The following MYO3A variants were observed in gnomAD, a reference collection of about 807,000 sequenced individuals.
MYO3A encodes the protein myosin IIIA.
A neutral mutation model predicts 192.7 loss-of-function variants in MYO3A; 180 were observed. The observed-to-expected ratio is 0.93, with a 90% CI of 0.83 to 1.06. The LOEUF is 1.06. MYO3A is among the 50% of genes least tolerant of loss of function. The pLI, the probability that MYO3A is intolerant of heterozygous loss-of-function variation, is 0.00. For synonymous variants in MYO3A, 628 were observed against 645.3 expected (o/e 0.97, Z 0.41); for missense variants, 1,896 against 1,905.0 (o/e 1.00, Z 0.09).
chr10:26,070,060 A>T, intron 12 of MYO3A, 51 bp from the exon 13 acceptor site: 1 of 1,304,970 alleles, frequency 7.7e-7, no homozygotes, highest in Non-Finnish European at 1.1e-6. Context: ...ATAATTCAGG[A>T]CTTAAATAAA....
chr10:26,073,294 G>A (rs1405626883), intron 14 of MYO3A, among the ~76,000 whole-genome samples: 11 of 152,152 alleles, frequency 7.2e-5, no homozygotes, highest in East Asian at 1.9e-4. Flanking sequence ...GGATGAGGCC[G>A]GGAGTGGTGG....
intron 10 of MYO3A, among the ~76,000 whole-genome samples, chr10:26,060,348 A>G (rs1298987783): frequency 3.9e-5 from 6 of 152,216 alleles, no homozygotes; most frequent in South Asian, 2.1e-4. Flanking sequence ...GGTGCCTGTA[A>G]TCCCAGTTAC....
chr10:26,190,766 G>A (rs377508523), intron 31 of MYO3A, among the ~76,000 whole-genome samples: 3 of 152,250 alleles, frequency 2.0e-5, no homozygotes, highest in East Asian at 1.9e-4. Context: ...TTGGTGAAAT[G>A]CACCCTTCAC....
intron 2 of MYO3A, among the ~76,000 whole-genome samples, chr10:25,944,807 T>G (rs1015229213): frequency 6.6e-6 from 1 of 152,074 alleles, no homozygotes; most frequent in Non-Finnish European, 1.5e-5. Context: ...GTAAATCTGC[T>G]TAAAGGTTTT....
chr10:26,048,996 G>A (rs1404053466), intron 10 of MYO3A, among the ~76,000 whole-genome samples: 1 of 152,206 alleles, frequency 6.6e-6, no homozygotes, highest in East Asian at 1.9e-4. Context: ...CCTCAAGGGA[G>A]GAAGAGCAGA....
intron 26 of MYO3A, among the ~76,000 whole-genome samples, chr10:26,160,887 T>C (rs1040580828): frequency 2.0e-5 from 3 of 152,202 alleles, no homozygotes; most frequent in African/African-American, 4.8e-5. Context: ...CCTAATCTTA[T>C]AGCTTGAAAA....
chr10:26,133,436 C>T (rs747718106), intron 20 of MYO3A, among the ~76,000 whole-genome samples: 3 of 152,296 alleles, frequency 2.0e-5, no homozygotes, highest in African/African-American at 4.8e-5. Flanking sequence ...GCTTCGCAGA[C>T]GGCCTCTCAG....
At chr10:26,208,104 G>T (rs924854826) in intron 34 of MYO3A, among the ~76,000 whole-genome samples, 13 of 151,746 alleles carry the variant, frequency 8.6e-5, no homozygotes, top group Non-Finnish European at 1.3e-4. Flanking sequence ...AATGAAAGCT[G>T]GTGACAGGCA....
intron 6 of MYO3A, among the ~76,000 whole-genome samples, chr10:26,005,375 G>A (rs528592178): frequency 6.6e-6 from 1 of 152,270 alleles, no homozygotes; most frequent in East Asian, 1.9e-4. Flanking sequence ...CAGATTGAAG[G>A]AGATTAGAAA....
At chr10:26,108,410 T>C (rs572505897) in intron 17 of MYO3A, among the ~76,000 whole-genome samples, 1 of 152,328 alleles carries the variant, frequency 6.6e-6, no homozygotes, top group African/African-American at 2.4e-5. Flanking sequence ...AAAAAACTAA[T>C]TCTTCAATTA....
At chr10:26,084,316 T>C (rs1038914574) in intron 14 of MYO3A, among the ~76,000 whole-genome samples, 2 of 152,208 alleles carry the variant, frequency 1.3e-5, no homozygotes, top group Non-Finnish European at 2.9e-5. Context: ...GTATAATCTT[T>C]TTAATATGTT....
At chr10:26,074,195 T>G (rs1380472383) in intron 14 of MYO3A, among the ~76,000 whole-genome samples, 1 of 152,204 alleles carries the variant, frequency 6.6e-6, no homozygotes, top group Non-Finnish European at 1.5e-5. Flanking sequence ...ATAGGAATCT[T>G]GTGTTGCAAA....
intron 10 of MYO3A, among the ~76,000 whole-genome samples, chr10:26,060,292 A>C (rs144694009): frequency 0.01 from 1,194 of 114,852 alleles, 19 homozygotes; most frequent in African/African-American, 0.031. Flanking sequence ...TACATAAATA[A>C]ATAAATAAAT....
At chr10:26,177,468 C>T (rs1441716069) in intron 31 of MYO3A, among the ~76,000 whole-genome samples, 1 of 152,198 alleles carries the variant, frequency 6.6e-6, no homozygotes, top group Non-Finnish European at 1.5e-5. Context: ...CAGCTGGCCT[C>T]CATGAGCCCT....
At chr10:26,159,051 A>G (rs1221551797) in intron 26 of MYO3A, among the ~76,000 whole-genome samples, 1 of 148,882 alleles carries the variant, frequency 6.7e-6, no homozygotes, top group Non-Finnish European at 1.5e-5. Flanking sequence ...ACTGTTGCCC[A>G]GGCTGGAGTG....
intron 6 of MYO3A, among the ~76,000 whole-genome samples, chr10:25,997,661 C>T (rs1168066860): frequency 6.6e-6 from 1 of 152,164 alleles, no homozygotes; most frequent in Admixed American, 6.5e-5. Context: ...TATTTCCTCC[C>T]TCCTAAGGAG....
chr10:26,029,656 T>A (rs893327767), intron 10 of MYO3A, among the ~76,000 whole-genome samples: 1 of 152,168 alleles, frequency 6.6e-6, no homozygotes, highest in African/African-American at 2.4e-5. Context: ...CATATCTGAC[T>A]TTTTATGTCT....
intron 14 of MYO3A, among the ~76,000 whole-genome samples, chr10:26,087,082 G>A (rs748964585): frequency 2.6e-5 from 4 of 152,160 alleles, no homozygotes; most frequent in Admixed American, 6.5e-5. Flanking sequence ...CGAGGTGTTT[G>A]GTAGATAGAA....
intron 23 of MYO3A, 37 bp from the exon 24 acceptor site, chr10:26,153,813 T>G (rs1395195871): frequency 1.5e-6 from 2 of 1,327,636 alleles, no homozygotes; most frequent in Middle Eastern, 2.0e-4. Context: ...CATTAAGGAT[T>G]CTAAAAGGTA....
Sources: gnomAD v4.1 joint callset for allele counts (sites outside exome capture counted in the v4.1 genomes callset) on GRCh38, gnomAD v4.1.1 for gene constraint, MANE v1.5 for transcripts, NCBI Gene and HGNC (gene_info 2026-07-23, HGNC 2026-07-21) for gene names.